The following ZC3H8 variants were observed in gnomAD, a reference collection of about 807,000 sequenced individuals.
The protein encoded by ZC3H8 is zinc finger CCCH domain-containing protein 8.
Under a neutral mutation model 42.5 loss-of-function variants are expected in ZC3H8, and 27 were observed. The ratio of observed to expected loss-of-function variants is 0.64; its 90% CI spans 0.47 to 0.88. The LOEUF (loss-of-function observed/expected upper bound fraction) is 0.88, where lower values mean the gene tolerates loss of function less well. ZC3H8 is among the 40% of genes least tolerant of loss of function. ZC3H8 has a pLI of 0.00. For missense variants in ZC3H8, 277 were observed against 336.1 expected, an observed-to-expected ratio of 0.82 and a Z score of 1.37; for synonymous variants, 101 against 110.1, an observed-to-expected ratio of 0.92 and a Z score of 0.52.
At chr2:112,232,717 C>T (rs1049801428) in intron 6 of ZC3H8, among the ~76,000 whole-genome samples, 3 of 152,192 alleles carry the variant, frequency 2.0e-5, no homozygotes, top group East Asian at 1.9e-4. Context: ...CAATTTGATA[C>T]TCCTTATATT....
At chr2:112,226,275 A>T (rs1425281445) in intron 8 of ZC3H8, among the ~76,000 whole-genome samples, 1 of 151,796 alleles carries the variant, frequency 6.6e-6, no homozygotes, top group African/African-American at 2.4e-5. Context: ...CAGAAATTGA[A>T]TCTGTTATGT....
In ZC3H8 at chr2:112,223,128, GGGATAGCATTA is replaced by G. The variant is rs1199046719; in HGVS notation, c.*16-6671_*16-6661del. Among the ~76,000 whole-genome samples the G allele has an allele frequency of 2.0e-5, 3 of 151,942 alleles. No homozygotes were observed. In the East Asian group the frequency reaches 5.8e-4, roughly 29 times the overall value. On this transcript the variant is annotated intron_variant, in intron 8 of 8. Coordinates refer to ENST00000409573, the MANE Select transcript of ZC3H8 (RefSeq NM_032494.3). ...CTGTCGTGGGGTGGGGGAGTGGGGA[GGGATAGCATTA>G]GGAGATATACCTAATGTAAATGACG...
chr2:112,239,762 T>C (rs1685505118), intron 2 of ZC3H8, among the ~76,000 whole-genome samples: 2 of 152,034 alleles, frequency 1.3e-5, no homozygotes, highest in Non-Finnish European at 2.9e-5. Flanking sequence ...TTTTTGTATT[T>C]TTGATAGAGA....
intron 8 of ZC3H8, among the ~76,000 whole-genome samples, chr2:112,224,830 G>A (rs1684745788): frequency 6.6e-6 from 1 of 152,304 alleles, no homozygotes; most frequent in Admixed American, 6.5e-5. Flanking sequence ...GGAGAAGAAT[G>A]AATTGTAGTA....
intron 2 of ZC3H8, among the ~76,000 whole-genome samples, chr2:112,239,385 T>G (rs971418749): frequency 1.3e-5 from 2 of 152,190 alleles, no homozygotes; most frequent in Non-Finnish European, 1.5e-5. Context: ...AGGGCTCCTA[T>G]TCTGATGTCA....
chr2:112,236,412 T>G, intron 4 of ZC3H8, 150 bp downstream of exon 4: 1 of 982,594 alleles, frequency 1.0e-6, no homozygotes, highest in Non-Finnish European at 1.5e-6. Context: ...GAGAACCCAG[T>G]GACAGTAAAA....
intron 6 of ZC3H8, among the ~76,000 whole-genome samples, chr2:112,232,314 C>CAAA (rs34453808): frequency 5.7e-4 from 41 of 71,328 alleles, no homozygotes; most frequent in East Asian, 3.8e-3. Flanking sequence ...GATAATGTCT[C>CAAA]AAAAAAAAAA....
intron 1 of ZC3H8, 84 bp from the exon 2 acceptor site, chr2:112,250,356 C>A: frequency 1.1e-6 from 1 of 921,948 alleles, no homozygotes; most frequent in Non-Finnish European, 1.5e-6. Flanking sequence ...ACTGCTTTGG[C>A]TTGTCTTCAA....
intron 8 of ZC3H8, among the ~76,000 whole-genome samples, chr2:112,227,071 C>G (rs1199657008): frequency 3.9e-5 from 6 of 152,116 alleles, no homozygotes; most frequent in Non-Finnish European, 8.8e-5. Context: ...CTATAAAAAC[C>G]TACAGCTAAA....
chr2:112,231,063 T>TCC (rs1685065247), intron 7 of ZC3H8, 113 bp from the exon 8 acceptor site: 1 of 692,600 alleles, frequency 1.4e-6, no homozygotes, highest in Admixed American at 5.3e-5. Context: ...CTAATAATCA[T>TCC]CTAATATTAT....
At chr2:112,246,126 T>C (rs1685754808) in intron 2 of ZC3H8, among the ~76,000 whole-genome samples, 1 of 152,214 alleles carries the variant, frequency 6.6e-6, no homozygotes, top group Non-Finnish European at 1.5e-5. Flanking sequence ...CAGCATGGTT[T>C]ACTGACTATT....
At chr2:112,250,166 T>C (rs1347696750) in intron 2 of ZC3H8, 25 bp downstream of exon 2, 1 of 1,525,562 alleles carries the variant, frequency 6.6e-7, no homozygotes, top group South Asian at 1.3e-5. Flanking sequence ...GTTTTCAACT[T>C]AAACAGTGGT....
chr2:112,249,313 C>T (rs1685864043), intron 2 of ZC3H8, among the ~76,000 whole-genome samples: 2 of 152,198 alleles, frequency 1.3e-5, no homozygotes, highest in Admixed American at 6.5e-5. Context: ...GCCAGCATTC[C>T]ATCAGGAGCT....
chr2:112,239,245 A>T (rs1174829832), intron 2 of ZC3H8, among the ~76,000 whole-genome samples: 1 of 152,220 alleles, frequency 6.6e-6, no homozygotes, highest in Non-Finnish European at 1.5e-5. Context: ...TCTGCATAAA[A>T]ATTTTCAGGT....
At position 112,245,985 on chromosome 2, in the gene ZC3H8, T is replaced by C. The variant is rs139653050; in HGVS notation, c.156+4206A>G. On this transcript the variant is annotated intron_variant, in intron 2 of 8. Transcript: ENST00000409573. The stretch of plus-strand genomic sequence containing the variant: ...TCTTGTTAGGAGCTAATGCAGCTGG[T>C]GACTTTAAGTTGAAACCAATGCTCA... 2.8e-3 allele frequency among the ~76,000 whole-genome samples: 430 copies of C among 152,312 alleles called. 2 individuals are homozygous for C. The highest frequency in any genetic ancestry group is 9.4e-3 in the African/African-American group (391 of 41,566).
In ZC3H8 at chr2:112,242,785, T is replaced by A. The variant is rs964184846; in HGVS notation, c.157-4257A>T. On this transcript the variant is annotated intron_variant, in intron 2 of 8. Coordinates refer to ENST00000409573, the MANE Select transcript of ZC3H8 (RefSeq NM_032494.3). ...TTAGAAAATTTTACTCCAGCTCTCT[T>A]CTGATTAAAATTATTCTTTTTTAAA... 4.6e-5 allele frequency among the ~76,000 whole-genome samples: 7 copies of A among 152,306 alleles called. No homozygotes were observed. The East Asian group carries it at 9.6e-4, about 21-fold the overall frequency.
At position 112,217,687 on chromosome 2, in the gene ZC3H8, G is replaced by A. The variant is rs1268435543; in HGVS notation, c.*16-1219C>T. Among the ~76,000 whole-genome samples, 3 of 152,142 alleles carry A rather than the reference G, an allele frequency of 2.0e-5. No homozygotes were observed. The South Asian group carries it at 6.2e-4, about 32-fold the overall frequency. On this transcript the variant is annotated intron_variant, in intron 8 of 8. Coordinates refer to ENST00000409573, the MANE Select transcript of ZC3H8 (RefSeq NM_032494.3). ...TTGCCAAAACAGTCTTTAGGTACAG[G>A]AAAGCTTTCAAGCTCACAGGGACAG...
chr2:112,249,570 A>G (rs1314801353), intron 2 of ZC3H8, among the ~76,000 whole-genome samples: 5 of 152,068 alleles, frequency 3.3e-5, no homozygotes, highest in African/African-American at 1.2e-4. Flanking sequence ...CAGCCTCCCT[A>G]GTAGCTGGGA....
chr2:112,245,711 A>C (rs1282833974), intron 2 of ZC3H8, among the ~76,000 whole-genome samples: 1 of 152,212 alleles, frequency 6.6e-6, no homozygotes, highest in African/African-American at 2.4e-5. Flanking sequence ...CAAATTATCC[A>C]GAAGATCTAG....
Sources: gnomAD v4.1 joint callset for allele counts (sites outside exome capture counted in the v4.1 genomes callset) on GRCh38, gnomAD v4.1.1 for gene constraint, MANE v1.5 for transcripts, NCBI Gene and HGNC (gene_info 2026-07-23, HGNC 2026-07-21) for gene names.